The following MARCHF1 variants were observed in gnomAD, a reference collection of about 807,000 sequenced individuals.
MARCHF1 encodes E3 ubiquitin-protein ligase MARCHF1.
A neutral mutation model predicts 54.2 loss-of-function variants in MARCHF1; 40 were observed. The ratio of observed to expected loss-of-function variants is 0.74; its 90% confidence interval spans 0.57 to 0.96. MARCHF1 has a LOEUF of 0.96. Ranked by LOEUF, MARCHF1 falls within the 40% of genes least tolerant of loss-of-function variation. The pLI, the probability that MARCHF1 is intolerant of heterozygous loss-of-function variation, is 0.00. For missense variants in MARCHF1, 586 were observed against 656.5 expected (o/e 0.89, Z 1.17); for synonymous variants, 236 against 236.3 (o/e 1.00, Z 0.01).
In MARCHF1 at chr4:163,807,882, T is replaced by A. The variant is rs1043034711; in HGVS notation, c.111+46139A>T. Among the ~76,000 whole-genome samples, 6 of 152,290 alleles carry A rather than the reference T, an allele frequency of 3.9e-5. No individual in the cohort carries two copies. In the East Asian group the frequency reaches 1.2e-3, roughly 29 times the overall value. ...TTTCTCCAAGAAGTGTTAATTACCT[T>A]TATTATAAAATTGTTATATGTAAAG... On this transcript the variant is annotated intron_variant, in intron 4 of 9. Transcript: ENST00000514618.
chr4:163,774,459 A>G (rs563100704), intron 4 of MARCHF1, among the ~76,000 whole-genome samples: 1 of 152,060 alleles, frequency 6.6e-6, no homozygotes, highest in Admixed American at 6.6e-5. Context: ...GCTGATATTG[A>G]CAAATGCAAA....
At chr4:163,995,583 C>T (rs914487190) in intron 2 of MARCHF1, among the ~76,000 whole-genome samples, 2 of 152,038 alleles carry the variant, frequency 1.3e-5, no homozygotes, top group African/African-American at 4.8e-5. Flanking sequence ...GCAAAAAAGA[C>T]ATCACTTTGG....
intron 4 of MARCHF1, among the ~76,000 whole-genome samples, chr4:163,759,187 T>A (rs1220538046): frequency 6.8e-6 from 1 of 146,700 alleles, no homozygotes; most frequent in African/African-American, 2.6e-5. Flanking sequence ...GTAGAGACCT[T>A]TTTTTTTTAA....
At chr4:164,356,886 A>G (rs1482340966) in intron 1 of MARCHF1, among the ~76,000 whole-genome samples, 1 of 151,382 alleles carries the variant, frequency 6.6e-6, no homozygotes. Flanking sequence ...CTCACTTACA[A>G]GTGGGAGCTA....
chr4:163,866,398 G>GA (rs1750047883), intron 3 of MARCHF1, among the ~76,000 whole-genome samples: 1 of 144,322 alleles, frequency 6.9e-6, no homozygotes, highest in African/African-American at 2.5e-5. Context: ...TGAAAATAGA[G>GA]AAAAAATAGC....
intron 1 of MARCHF1, among the ~76,000 whole-genome samples, chr4:164,157,704 T>C (rs1320438632): frequency 6.6e-6 from 1 of 152,126 alleles, no homozygotes; most frequent in African/African-American, 2.4e-5. Context: ...GCTCTCCTTG[T>C]GTGTGTTTGT....
chr4:163,759,250 T>G (rs1186793741), intron 4 of MARCHF1, among the ~76,000 whole-genome samples: 3 of 152,084 alleles, frequency 2.0e-5, no homozygotes, highest in African/African-American at 4.8e-5. Context: ...GCCATGTGAC[T>G]CTTTTGGAAG....
At position 163,616,962 on chromosome 4, in the gene MARCHF1, A is replaced by G. The variant is rs567368815; in HGVS notation, c.163-3569T>C. 1.7e-4 allele frequency among the ~76,000 whole-genome samples: 26 copies of G among 152,258 alleles called. No homozygotes were observed. The South Asian group carries it at 5.4e-3, about 32-fold the overall frequency. On this transcript the variant is annotated intron_variant, in intron 5 of 9. Transcript: ENST00000514618. ...TCGTCAAAGAGATATGTGAACCCCCATGATTATTGTAGCATTATTCACAAT... is the reference window on the plus strand; with the variant it reads ...TCGTCAAAGAGATATGTGAACCCCCGTGATTATTGTAGCATTATTCACAAT...
chr4:164,199,673 CACACACACAGAG>C (rs1254879409), intron 1 of MARCHF1, among the ~76,000 whole-genome samples: 1,191 of 60,414 alleles, frequency 0.02, 17 homozygotes, highest in African/African-American at 0.089. Context: ...CACACACACA[CACACACACAGAG>C]AGAGAGAGAG....
chr4:164,014,200 A>C (rs974472491), intron 2 of MARCHF1, among the ~76,000 whole-genome samples: 7 of 151,754 alleles, frequency 4.6e-5, no homozygotes, highest in Non-Finnish European at 7.4e-5. Context: ...CAAAAAAAAA[A>C]AAAAAGTAAA....
rs201460439 is a variant in MARCHF1, at chr4:164,068,884, C to T, written c.-248+42704G>A. On this transcript the variant is annotated intron_variant, in intron 2 of 9. Transcript: ENST00000514618. ...GGGATTGTAAATACACCAATCAGCA[C>T]TCTGTATCTAGCTCAAGGTTTGTAA... 1.2e-4 allele frequency among the ~76,000 whole-genome samples: 18 copies of T among 152,340 alleles called. No individual in the cohort carries two copies. The East Asian group carries it at 3.1e-3, about 26-fold the overall frequency.
chr4:164,229,499 T>G (rs1417330416), intron 1 of MARCHF1, among the ~76,000 whole-genome samples: 1 of 152,214 alleles, frequency 6.6e-6, no homozygotes, highest in Non-Finnish European at 1.5e-5. Flanking sequence ...AGACAGAGTT[T>G]GAAACAGGGT....
intron 4 of MARCHF1, among the ~76,000 whole-genome samples, chr4:163,764,528 T>C (rs1217759695): frequency 1.3e-5 from 2 of 152,034 alleles, no homozygotes; most frequent in African/African-American, 2.4e-5. Context: ...AATAAATAGA[T>C]AGTTTTTACG....
At chr4:164,277,767 G>A (rs1733923409) in intron 1 of MARCHF1, among the ~76,000 whole-genome samples, 1 of 152,204 alleles carries the variant, frequency 6.6e-6, no homozygotes, top group Admixed American at 6.5e-5. Flanking sequence ...TAAGTCTCCT[G>A]AAAGGAGGAA....
intron 1 of MARCHF1, among the ~76,000 whole-genome samples, chr4:164,364,687 T>G (rs1366385811): frequency 2.6e-5 from 4 of 151,570 alleles, no homozygotes; most frequent in Non-Finnish European, 5.9e-5. Flanking sequence ...TCTTGAACAA[T>G]TTTCCTTTTT....
intron 3 of MARCHF1, among the ~76,000 whole-genome samples, chr4:163,856,716 T>C (rs1000413930): frequency 6.6e-6 from 1 of 152,094 alleles, no homozygotes; most frequent in Non-Finnish European, 1.5e-5. Context: ...AATTTTTAAA[T>C]AGCCTCCAAA....
At chr4:163,786,036 G>A (rs554506992) in intron 4 of MARCHF1, among the ~76,000 whole-genome samples, 1 of 152,084 alleles carries the variant, frequency 6.6e-6, no homozygotes, top group South Asian at 2.1e-4. Flanking sequence ...TCTGGAGGCA[G>A]GAAATGTGGG....
intron 5 of MARCHF1, among the ~76,000 whole-genome samples, chr4:163,678,764 TG>T (rs1191355765): frequency 2.3e-4 from 35 of 152,340 alleles, no homozygotes; most frequent in African/African-American, 8.4e-4. Context: ...ATTGGATTCT[TG>T]GAATTATGGA....
At position 164,037,935 on chromosome 4, in the gene MARCHF1, C is replaced by T. The variant is rs555132116; in HGVS notation, c.-247-49226G>A. Among the ~76,000 whole-genome samples the T allele has an allele frequency of 4.1e-4, 63 of 152,060 alleles. 1 individual carries two copies. Among genetic ancestry groups the T allele is most frequent in the African/African-American group, 1.3e-3 (56 of 41,484 alleles). On this transcript the variant is annotated intron_variant, in intron 2 of 9. Transcript: ENST00000514618. ...TAATAATCTTGAAGTGATGAAATTC[C>T]GGAAATGGAGAGAAATTAGTTATTG... is the stretch of plus-strand genomic sequence containing the variant.
Sources: gnomAD v4.1 joint callset for allele counts (sites outside exome capture counted in the v4.1 genomes callset) on GRCh38, gnomAD v4.1.1 for gene constraint, MANE v1.5 for transcripts, NCBI Gene and HGNC (gene_info 2026-07-23, HGNC 2026-07-21) for gene names.